Variants in LATS1 observed in about 807,000 individuals in gnomAD.
The protein encoded by LATS1 is serine/threonine-protein kinase LATS1.
In LATS1, 25 loss-of-function variants were observed where a neutral mutation model predicts 106.6. The ratio of observed to expected loss-of-function variants is 0.23; its 90% confidence interval spans 0.17 to 0.33. The LOEUF (loss-of-function observed/expected upper bound fraction) is 0.33. LATS1 is among the 10% of genes least tolerant of loss of function. The pLI, the probability that LATS1 is intolerant of heterozygous loss-of-function variation, is 1.00. For synonymous variants in LATS1, 465 were observed against 455.6 expected, an observed-to-expected ratio of 1.02 and a Z score of -0.26; for missense variants, 1,040 against 1,382.6, an observed-to-expected ratio of 0.75 and a Z score of 3.93.
chr6:149,679,569 AATTGT>A (rs963199119), intron 5 of LATS1, among the ~76,000 whole-genome samples: 3 of 151,994 alleles, frequency 2.0e-5, no homozygotes, highest in Admixed American at 6.6e-5. Flanking sequence ...AAAAAAAAAA[AATTGT>A]TTGTCTGGCA....
chr6:149,703,049 C>G (rs1227413141), intron 1 of LATS1, among the ~76,000 whole-genome samples: 2 of 151,944 alleles, frequency 1.3e-5, no homozygotes, highest in African/African-American at 4.8e-5. Context: ...CCTTGGCTCA[C>G]TGCAACCTCC....
chr6:149,666,549 C>T (rs1442292923), intron 7 of LATS1, among the ~76,000 whole-genome samples: 6 of 151,168 alleles, frequency 4.0e-5, no homozygotes, highest in African/African-American at 9.7e-5. Context: ...ACCCGGGAGG[C>T]GGTGGCGGAG....
intron 2 of LATS1, among the ~76,000 whole-genome samples, chr6:149,696,158 C>T (rs977552602): frequency 2.7e-5 from 4 of 150,876 alleles, no homozygotes; most frequent in Non-Finnish European, 3.0e-5. Flanking sequence ...CCACCCACCT[C>T]GGCCTCCCAA....
intron 7 of LATS1, among the ~76,000 whole-genome samples, chr6:149,673,399 C>G (rs1781547040): frequency 6.6e-6 from 1 of 151,740 alleles, no homozygotes; most frequent in Non-Finnish European, 1.5e-5. Context: ...GCGCCCAGCC[C>G]TTTTATTTCT....
intron 3 of LATS1, among the ~76,000 whole-genome samples, chr6:149,689,507 C>T (rs1782597125): frequency 6.6e-6 from 1 of 151,768 alleles, no homozygotes; most frequent in African/African-American, 2.4e-5. Flanking sequence ...ATAATTCCAG[C>T]TATCTTTTTT....
intron 7 of LATS1, among the ~76,000 whole-genome samples, chr6:149,666,394 G>C (rs1781152013): frequency 6.6e-6 from 1 of 151,682 alleles, no homozygotes; most frequent in East Asian, 2.0e-4. Flanking sequence ...GAGGCGGGCA[G>C]ATCACAAGGT....
intron 3 of LATS1, among the ~76,000 whole-genome samples, chr6:149,686,411 AC>A (rs1782376586): frequency 6.6e-6 from 1 of 151,980 alleles, no homozygotes; most frequent in African/African-American, 2.4e-5. Flanking sequence ...GTATACAGTC[AC>A]CCCTGTTGTT....
intron 2 of LATS1, 49 bp from the exon 3 acceptor site, chr6:149,695,270 C>A: frequency 2.4e-6 from 3 of 1,261,072 alleles, no homozygotes; most frequent in South Asian, 1.3e-5. Flanking sequence ...TTAAATCTTA[C>A]AATAATACAA....
chr6:149,676,126 A>G, intron 7 of LATS1, 134 bp downstream of exon 7: 1 of 640,964 alleles, frequency 1.6e-6, no homozygotes, highest in Non-Finnish European at 2.8e-6. Flanking sequence ...AACTGGCATT[A>G]TGGGTGTGAG....
Position 149,679,882 on chromosome 6 carries a change from A to G in LATS1, c.2586T>C (p.Tyr862=). ...TTTTATGAGTTTACTTACCACTCTG[A>G]TAGTACTTAGAATCGTGTGTCCATC... The part of the protein sequence containing the change: ...GFRWTHDSKY[Y]QSGDHPRQDS... Residue 862 remains tyrosine (Y), a synonymous_variant, in exon 5 of 8, where the codon TAT becomes TAC. Coordinates refer to ENST00000543571, the MANE Select transcript of LATS1 (RefSeq NM_004690.4). The G allele has an allele frequency of 6.3e-7, 1 of 1,583,428 alleles. No homozygotes were observed. The highest frequency in any genetic ancestry group is 8.6e-7 in the Non-Finnish European group (1 of 1,165,656).
At chr6:149,673,894 C>T (rs1287754271) in intron 7 of LATS1, among the ~76,000 whole-genome samples, 2 of 151,490 alleles carry the variant, frequency 1.3e-5, no homozygotes, top group Admixed American at 1.3e-4. Context: ...AGGCTGGTCT[C>T]GAACTCCCGA....
At chr6:149,711,380 T>C (rs1784084412) in intron 1 of LATS1, among the ~76,000 whole-genome samples, 1 of 151,752 alleles carries the variant, frequency 6.6e-6, no homozygotes. Flanking sequence ...TCATCTCTAC[T>C]AAAAAATACA....
At chr6:149,710,132 T>C (rs1452913673) in intron 1 of LATS1, among the ~76,000 whole-genome samples, 2 of 152,190 alleles carry the variant, frequency 1.3e-5, no homozygotes, top group Non-Finnish European at 2.9e-5. Context: ...ACCTAACCAA[T>C]GTACATCTTA....
chr6:149,708,420 A>G (rs1355586558), intron 1 of LATS1, among the ~76,000 whole-genome samples: 4 of 152,056 alleles, frequency 2.6e-5, no homozygotes, highest in Non-Finnish European at 1.5e-5. Flanking sequence ...ATCTCAAAAA[A>G]AAAAAAAAAA....
At chr6:149,697,703 T>G (rs1050883265) in intron 2 of LATS1, among the ~76,000 whole-genome samples, 1 of 152,148 alleles carries the variant, frequency 6.6e-6, no homozygotes, top group Non-Finnish European at 1.5e-5. Flanking sequence ...TAGCACCCAC[T>G]ACCCTTTTCC....
intron 2 of LATS1, among the ~76,000 whole-genome samples, chr6:149,699,484 AAAT>A (rs1488966917): frequency 3.9e-5 from 6 of 152,054 alleles, no homozygotes; most frequent in Non-Finnish European, 8.8e-5. Context: ...TAAAAAAAAA[AAAT>A]AAAATAAATA....
intron 2 of LATS1, chr6:149,697,219 C>G (rs1283267080): frequency 9.8e-7 from 1 of 1,017,336 alleles, no homozygotes; most frequent in Non-Finnish European, 1.4e-6. Flanking sequence ...AATGTGAGAC[C>G]AACCAAAGAA....
chr6:149,673,119 T>C (rs1171885223), intron 7 of LATS1, among the ~76,000 whole-genome samples: 2 of 139,560 alleles, frequency 1.4e-5, no homozygotes, highest in African/African-American at 5.5e-5. Flanking sequence ...TTTTTTGAGA[T>C]AGGATCTTAC....
chr6:149,684,900 A>C (rs1197753316), intron 3 of LATS1, among the ~76,000 whole-genome samples: 1 of 152,188 alleles, frequency 6.6e-6, no homozygotes, highest in Non-Finnish European at 1.5e-5. Flanking sequence ...GAGTTATAAA[A>C]ATAAAATTTC....
Sources: allele counts gnomAD v4.1 joint callset (sites outside exome capture counted in the v4.1 genomes callset), GRCh38; gene constraint gnomAD v4.1.1; transcripts MANE v1.5; gene names NCBI Gene and HGNC (gene_info 2026-07-23, HGNC 2026-07-21).